Variants in DMKN observed in about 807,000 individuals in gnomAD.
The protein encoded by DMKN is dermokine.
Under a neutral mutation model 67.6 loss-of-function variants are expected in DMKN, and 58 were observed. The observed-to-expected ratio is 0.86, with a 90% CI of 0.69 to 1.07. The LOEUF (loss-of-function observed/expected upper bound fraction) is 1.07, where lower values mean the gene tolerates loss of function less well. Ranked by LOEUF, DMKN falls within the 50% of genes least tolerant of loss-of-function variation. The pLI is 0.00. For missense variants in DMKN, 596 were observed against 601.5 expected (o/e 0.99, Z 0.10); for synonymous variants, 240 against 232.3 (o/e 1.03, Z -0.30).
rs764127249 is a variant in DMKN at position 35,512,981 on chromosome 19, G to A, written c.426+69C>T. ...AAGAGATCCATCCATCCTTTCAACC[G>A]TTTCCCAAGAATCTCAGCCCAGCAG... On this transcript the variant is annotated intron_variant, in intron 1 of 15. Coordinates refer to ENST00000339686, the MANE Select transcript of DMKN (RefSeq NM_033317.5). 1.0e-4 allele frequency: 163 copies of A among 1,589,274 alleles called. 1 individual carries two copies. Among genetic ancestry groups the A allele is most frequent in the Admixed American group, 3.9e-4 (23 of 59,078 alleles).
chr19:35,498,542 C>A (rs2067828191), intron 15 of DMKN, 174 bp downstream of exon 15: 1 of 850,672 alleles, frequency 1.2e-6, no homozygotes, highest in Non-Finnish European at 1.8e-6. Flanking sequence ...TTCTCCACAC[C>A]CCACCATGAG....
At chr19:35,502,944 C>A in intron 9 of DMKN, 58 bp from the exon 10 acceptor site, 1 of 1,542,534 alleles carries the variant, frequency 6.5e-7, no homozygotes. Flanking sequence ...TCACCCACCC[C>A]TCCTCCTGCT....
At chr19:35,503,625 A>G (rs899947902) in intron 9 of DMKN, among the ~76,000 whole-genome samples, 33 of 151,942 alleles carry the variant, frequency 2.2e-4, no homozygotes, top group African/African-American at 7.7e-4. Flanking sequence ...ACAGGCGCAC[A>G]CCACCACGCC....
chr19:35,505,851 G>T, intron 8 of DMKN, 86 bp from the exon 9 acceptor site: 5 of 1,613,590 alleles, frequency 3.1e-6, no homozygotes, highest in Non-Finnish European at 3.4e-6. Context: ...CTGACTGTTG[G>T]TTTAGAAAGA....
rs566531366 is a variant in DMKN, at chr19:35,511,573, C to G, written c.756G>C (p.Ser252=). The G allele has an allele frequency of 6.2e-7, 1 of 1,601,368 alleles. No individual in the cohort carries two copies. Among genetic ancestry groups the G allele is most frequent in the Non-Finnish European group, 8.5e-7 (1 of 1,176,634 alleles). The change falls in exon 5 of 16, where the codon TCG becomes TCC. Residue 252 remains serine, a synonymous_variant. Transcript: ENST00000339686. ...CATTGCTGCCACTGCCACTGCTGCC[C>G]GACTGTGAGCCGCTGCCTCCCTGAG... ...SNSGGGSGSQ[S]GSSGSGSNGD...
In DMKN at chr19:35,513,560, C is replaced by T. The variant is rs2071129410; in HGVS notation, c.-85G>A. 2.1e-6 allele frequency: 3 copies of T among 1,454,282 alleles called. No individual in the cohort carries two copies. The highest frequency in any genetic ancestry group is 1.4e-5 in the African/African-American group (1 of 70,462). 90.1% of individuals were successfully genotyped at this position (1,454,282 alleles called of 1,614,324 possible). On this transcript the variant is annotated 5_prime_UTR_variant, in exon 1 of 16. Transcript: ENST00000339686. ...CGCCCTTGCTCTGCGTCTCTGTGCCCTCCTCTGTCCTCCTCCTTCCGACTC... is the reference window on the plus strand; with the variant it reads ...CGCCCTTGCTCTGCGTCTCTGTGCCTTCCTCTGTCCTCCTCCTTCCGACTC...
At chr19:35,510,648 G>T (rs2070586428) in intron 5 of DMKN, 3 of 1,227,786 alleles carry the variant, frequency 2.4e-6, no homozygotes, top group Non-Finnish European at 3.3e-6. Context: ...GCCCTAGATG[G>T]GGGAGAGGAG....
intron 7 of DMKN, chr19:35,508,157 C>G: frequency 1.3e-6 from 2 of 1,551,026 alleles, no homozygotes; most frequent in Non-Finnish European, 1.7e-6. Flanking sequence ...ACCTCTACCC[C>G]ACTTACTACC....
chr19:35,510,153 G>T (rs756986585), intron 6 of DMKN, 31 bp downstream of exon 6: 2 of 1,590,282 alleles, frequency 1.3e-6, no homozygotes, highest in Non-Finnish European at 8.6e-7. Context: ...TCCTTCCCGC[G>T]GTTGGTGGGA....
Position 35,510,189 on chromosome 19 carries a change from G to A in DMKN, c.982C>T (p.Pro328Ser). Residue 328 changes from proline (P) to serine (S), a missense_variant, in exon 6 of 16, where the codon CCC becomes TCC. By Grantham distance (74) the Pro-to-Ser change is moderately conservative. Coordinates refer to ENST00000339686, the MANE Select transcript of DMKN (RefSeq NM_033317.5). ...GGSGGGNGHKPGCEKPGNEAR... is the reference protein window; with the variant it reads ...GGSGGGNGHKSGCEKPGNEAR... Reference sequence around the variant, plus strand: ...GATTCACGCCAGCCACTCACCCCGGGTTTATGTCCATTTCCTCCGCCGCTC... The same window carrying A: ...GATTCACGCCAGCCACTCACCCCGGATTTATGTCCATTTCCTCCGCCGCTC... The A allele has an allele frequency of 1.2e-6, 2 of 1,608,534 alleles. No homozygotes were observed. The highest frequency in any genetic ancestry group is 1.1e-5 in the South Asian group (1 of 89,818).
chr19:35,512,389 T>C (rs2070994074), intron 3 of DMKN, 32 bp downstream of exon 3: 1 of 1,611,526 alleles, frequency 6.2e-7, no homozygotes, highest in Non-Finnish European at 8.5e-7. Context: ...ACCCAGTGGC[T>C]TCTTCATTTG....
chr19:35,507,080 T>C, intron 7 of DMKN: 1 of 195,236 alleles, frequency 5.1e-6, no homozygotes, highest in Non-Finnish European at 1.1e-5. Flanking sequence ...AGTGCTGGGA[T>C]TACAGTTATG....
chr19:35,500,054 T>G (rs1599811616), intron 12 of DMKN, 25 bp from the exon 13 acceptor site: 1 of 1,613,852 alleles, frequency 6.2e-7, no homozygotes. Context: ...GGCATGGCGG[T>G]TAGAACAGAC....
At chr19:35,501,966 C>T in intron 11 of DMKN, 170 bp downstream of exon 11, 5 of 1,547,974 alleles carry the variant, frequency 3.2e-6, no homozygotes, top group Non-Finnish European at 3.5e-6. Flanking sequence ...TCCCACCCTG[C>T]TCCTCAGTGA....
At chr19:35,506,965 G>T in intron 7 of DMKN, 1 of 181,508 alleles carries the variant, frequency 5.5e-6, no homozygotes, top group Non-Finnish European at 1.2e-5. Flanking sequence ...CACTGCACAT[G>T]GCCTATTATT....
At chr19:35,506,378 T>C (rs1373655423) in intron 7 of DMKN, 1 of 639,046 alleles carries the variant, frequency 1.6e-6, no homozygotes, top group Non-Finnish European at 2.8e-6. Context: ...AATGGATTGC[T>C]CCCATGGAAC....
chr19:35,499,002 A>C lies in DMKN; in HGVS notation c.1360-105T>G, dbSNP rs1160883166. On this transcript the variant is annotated intron_variant, in intron 13 of 15. Transcript: ENST00000339686. The stretch of plus-strand genomic sequence containing the variant: ...CCAGCAGCAAGGGCAGGCTCACACC[A>C]GGGCTATCACCAAGGTTTTCCAGTC... 5.2e-6 allele frequency: 8 copies of C among 1,544,748 alleles called. No individual in the cohort carries two copies. In the Admixed American group the frequency reaches 1.4e-4, roughly 27 times the overall value.
At chr19:35,508,141 G>A (rs2069957199) in intron 7 of DMKN, 6 of 1,546,058 alleles carry the variant, frequency 3.9e-6, no homozygotes, top group Non-Finnish European at 5.3e-6. Context: ...TGCTCCTGGA[G>A]AACAGACCTC....
At chr19:35,506,551 C>T in intron 7 of DMKN, 1 of 485,206 alleles carries the variant, frequency 2.1e-6, no homozygotes. Flanking sequence ...TCCACAACAC[C>T]TTGGTCTGGT....
Sources: allele counts gnomAD v4.1 joint callset (sites outside exome capture counted in the v4.1 genomes callset), GRCh38; gene constraint gnomAD v4.1.1; transcripts MANE v1.5; gene names NCBI Gene and HGNC (gene_info 2026-07-23, HGNC 2026-07-21).